MBLAC2: variants seen among roughly 807,000 people sequenced by gnomAD.
MBLAC2 encodes metallo-beta-lactamase domain containing 2.
MBLAC2 carries 24 observed loss-of-function variants against 23.3 expected under a neutral mutation model. The observed-to-expected ratio is 1.03, with a 90% CI of 0.75 to 1.45. The LOEUF (loss-of-function observed/expected upper bound fraction) is 1.45, where lower values mean the gene tolerates loss of function less well. Among genes scored for constraint, MBLAC2 ranks in the 40% most tolerant of loss-of-function variants. The probability of loss-of-function intolerance (pLI) is 0.00; values close to 1 mark genes in which losing one functional copy is unlikely to be tolerated. For missense variants in MBLAC2, 358 were observed against 370.0 expected, an observed-to-expected ratio of 0.97 and a Z score of 0.27; for synonymous variants, 162 against 150.9, an observed-to-expected ratio of 1.07 and a Z score of -0.54.
At chr5:90,472,544 T>G (rs551360075) in intron 1 of MBLAC2, 5 of 152,284 alleles carry the variant, frequency 3.3e-5, no homozygotes, top group African/African-American at 1.2e-4. Context: ...AATATTGCAA[T>G]TTTTAAAATA....
chr5:90,474,070 G>A lies in MBLAC2; in HGVS notation c.223C>T (p.Arg75Trp), dbSNP rs751304644. 4 of 1,576,304 alleles carry A rather than the reference G, an allele frequency of 2.5e-6. No individual in the cohort carries two copies. The South Asian group carries it at 3.5e-5, about 14-fold the overall frequency. Residue 75 changes from arginine (R) to tryptophan (W), a missense_variant, in exon 1 of 2, where the codon CGG becomes TGG. Physicochemically the swap from Arg to Trp is moderately radical, Grantham distance 101. Coordinates refer to ENST00000316610, the MANE Select transcript of MBLAC2 (RefSeq NM_203406.2). ...TGGGTGGCCACGGCAAGCAGTGGCCGGCGCGCCGCGTCCTCTTTGGCCTCT... is the reference window on the plus strand; with the variant it reads ...TGGGTGGCCACGGCAAGCAGTGGCCAGCGCGCCGCGTCCTCTTTGGCCTCT... ...DREAKEDAARRPLLAVATHVH... is the reference protein window; with the variant it reads ...DREAKEDAARWPLLAVATHVH...
At chr5:90,461,658 A>G (rs1173996676) in intron 1 of MBLAC2, 106 bp from the exon 2 acceptor site, 8 of 1,023,530 alleles carry the variant, frequency 7.8e-6, no homozygotes, top group Non-Finnish European at 1.1e-5. Context: ...GAAGGATGAC[A>G]CTTTATTTCA....
Position 90,461,058 on chromosome 5 carries a change from T to A in MBLAC2, c.*109A>T, listed in dbSNP as rs1750358226. The A allele has an allele frequency of 8.1e-6, 7 of 863,254 alleles. No homozygotes were observed. Among genetic ancestry groups the A allele is most frequent in the Non-Finnish European group, 1.2e-5 (7 of 586,110 alleles). The allele number at this position is 863,254 out of a possible 1,614,324, so 53.5% of individuals were successfully genotyped here. ...ATTCATTCTCAATCTTTCTCTGATATATAATAGTGGTATAAAAGCACTTCA... is the reference window on the plus strand; with the variant it reads ...ATTCATTCTCAATCTTTCTCTGATAAATAATAGTGGTATAAAAGCACTTCA... On this transcript the variant is annotated 3_prime_UTR_variant, in exon 2 of 2. Transcript: ENST00000316610.
chr5:90,473,728 T>G, intron 1 of MBLAC2, 111 bp downstream of exon 1: 1 of 1,077,102 alleles, frequency 9.3e-7, no homozygotes, highest in South Asian at 1.3e-5. Context: ...CTCTGCGAGG[T>G]GCCAAAATAA....
intron 1 of MBLAC2, among the ~76,000 whole-genome samples, chr5:90,465,890 A>G (rs988116042): frequency 1.3e-5 from 2 of 152,184 alleles, no homozygotes; most frequent in Admixed American, 1.3e-4. Flanking sequence ...TGATAGCCAT[A>G]CATGGCTAGT....
Position 90,474,360 on chromosome 5 carries a change from C to A in MBLAC2, c.-68G>T. 1 of 1,416,266 alleles carries A rather than the reference C, an allele frequency of 7.1e-7. No homozygotes were observed. Among genetic ancestry groups the A allele is most frequent in the Non-Finnish European group, 9.9e-7 (1 of 1,014,378 alleles). The allele number at this position is 1,416,266 out of a possible 1,614,324, so 87.7% of individuals were successfully genotyped here. Reference sequence around the variant, plus strand: ...GAGTCTCCCACAGGCTGTCCACACACAGGGCACTGCGGCTGTGTGAAGCGG... The same window carrying A: ...GAGTCTCCCACAGGCTGTCCACACAAAGGGCACTGCGGCTGTGTGAAGCGG... On this transcript the variant is annotated 5_prime_UTR_variant, in exon 1 of 2. Coordinates refer to ENST00000316610, the MANE Select transcript of MBLAC2 (RefSeq NM_203406.2).
At chr5:90,472,627 G>C (rs1418804412) in intron 1 of MBLAC2, 1 of 151,998 alleles carries the variant, frequency 6.6e-6, no homozygotes, top group Non-Finnish European at 1.5e-5. Flanking sequence ...ATATTGTTTG[G>C]TCATAAAGTG....
intron 1 of MBLAC2, 108 bp from the exon 2 acceptor site, chr5:90,461,660 T>C: frequency 9.9e-7 from 1 of 1,011,786 alleles, no homozygotes; most frequent in South Asian, 1.8e-5. Flanking sequence ...AGGATGACAC[T>C]TTATTTCATA....
chr5:90,464,869 G>C (rs1246452431), intron 1 of MBLAC2, among the ~76,000 whole-genome samples: 1 of 152,210 alleles, frequency 6.6e-6, no homozygotes, highest in African/African-American at 2.4e-5. Flanking sequence ...ACTAGGAATA[G>C]TTGGGGAAGG....
intron 1 of MBLAC2, among the ~76,000 whole-genome samples, chr5:90,469,911 A>T (rs1750516893): frequency 6.6e-6 from 1 of 152,252 alleles, no homozygotes; most frequent in South Asian, 2.1e-4. Context: ...AAATCAGAAT[A>T]CTAAAGAGAT....
intron 1 of MBLAC2, chr5:90,472,430 AG>A (rs1424238572): frequency 3.3e-5 from 5 of 150,742 alleles, no homozygotes; most frequent in African/African-American, 1.2e-4. Context: ...TATCTAAATC[AG>A]TTTTTTTTTT....
chr5:90,472,741 G>A (rs1750580322), intron 1 of MBLAC2: 1 of 152,006 alleles, frequency 6.6e-6, no homozygotes. Context: ...GAAAGAAGGG[G>A]CCTTTCACAT....
At position 90,473,946 on chromosome 5, in the gene MBLAC2, G is replaced by A. The variant is rs749387278; in HGVS notation, c.347C>T (p.Thr116Ile). Residue 116 changes from threonine (T) to isoleucine (I), a missense_variant, in exon 1 of 2, where the codon ACC becomes ATC. By Grantham distance (89) the Thr-to-Ile change is moderately conservative. Transcript: ENST00000316610. ...EALARGDNFE[T>I]VTWLSDSEVV... ...CTCGCTATCGGAAAGCCAGGTCACGGTCTCAAAGTTGTCCCCGCGAGCCAG... is the reference window on the plus strand; with the variant it reads ...CTCGCTATCGGAAAGCCAGGTCACGATCTCAAAGTTGTCCCCGCGAGCCAG... 6.2e-7 allele frequency: 1 copy of A among 1,603,660 alleles called. No individual in the cohort carries two copies. Among genetic ancestry groups the A allele is most frequent in the Non-Finnish European group, 8.5e-7 (1 of 1,175,994 alleles).
At chr5:90,468,810 A>C (rs1277887064) in intron 1 of MBLAC2, among the ~76,000 whole-genome samples, 1 of 152,210 alleles carries the variant, frequency 6.6e-6, no homozygotes, top group Non-Finnish European at 1.5e-5. Flanking sequence ...GAAATTAAAT[A>C]ACCTGCTCTT....
rs370591166 is a variant in MBLAC2 at position 90,459,961 on chromosome 5, C to A, written c.*1206G>T. ...TTTAGATATGTCAATAATAAAAAGG[C>A]AGTGGGAAAAAACTGTTTAAAACCC... On this transcript the variant is annotated 3_prime_UTR_variant, in exon 2 of 2. Coordinates refer to ENST00000316610, the MANE Select transcript of MBLAC2 (RefSeq NM_203406.2). 1 of 152,456 alleles carries A rather than the reference C, an allele frequency of 6.6e-6. No homozygotes were observed. The highest frequency in any genetic ancestry group is 1.5e-5 in the Non-Finnish European group (1 of 67,976). The allele number at this position is 152,456 out of a possible 1,614,324, so 9.4% of individuals were successfully genotyped here.
chr5:90,463,927 T>C (rs1293879259), intron 1 of MBLAC2, among the ~76,000 whole-genome samples: 1 of 151,932 alleles, frequency 6.6e-6, no homozygotes, highest in Non-Finnish European at 1.5e-5. Flanking sequence ...CCTGAAGAAA[T>C]TAAAAGGAGA....
intron 1 of MBLAC2, among the ~76,000 whole-genome samples, chr5:90,469,031 A>G (rs114890936): frequency 0.011 from 1,643 of 152,286 alleles, 32 homozygotes; most frequent in African/African-American, 0.037. Context: ...ACTAGAAAAT[A>G]TAAGAACAAT....
Position 90,461,419 on chromosome 5 carries a change from CAGTGAT to C in MBLAC2, c.582_587del (p.Ser195_Leu196del), listed in dbSNP as rs1477879778. 6.2e-7 allele frequency: 1 copy of C among 1,614,022 alleles called. No homozygotes were observed. The highest frequency in any genetic ancestry group is 8.5e-7 in the Non-Finnish European group (1 of 1,180,012). On this transcript the variant is annotated inframe_deletion, in exon 2 of 2. Coordinates refer to ENST00000316610, the MANE Select transcript of MBLAC2 (RefSeq NM_203406.2). ...TCCTGCTGTATGGGAGCCAGTCAAT[CAGTGAT>C]CCATCATACACGACGTCTCCACTGA...
At chr5:90,473,446 T>C (rs1750604164) in intron 1 of MBLAC2, 2 of 547,540 alleles carry the variant, frequency 3.7e-6, no homozygotes, top group East Asian at 3.2e-5. Context: ...TGAGGGGTCA[T>C]TCCTTAAAAG....
Sources: gnomAD v4.1 joint callset for allele counts (sites outside exome capture counted in the v4.1 genomes callset) on GRCh38, gnomAD v4.1.1 for gene constraint, MANE v1.5 for transcripts, NCBI Gene and HGNC (gene_info 2026-07-23, HGNC 2026-07-21) for gene names.